The following SPATA31A6 variants were observed in gnomAD, a reference collection of about 807,000 sequenced individuals.
SPATA31A6 encodes spermatogenesis-associated protein 31A6.
Under a neutral mutation model 11.9 loss-of-function variants are expected in SPATA31A6, and 9 were observed. The ratio of observed to expected loss-of-function variants is 0.76; its 90% CI spans 0.46 to 1.32. The LOEUF is 1.32. SPATA31A6 is among the 40% of genes most tolerant of loss of function. The pLI, the probability that SPATA31A6 is intolerant of heterozygous loss-of-function variation, is 0.00. For synonymous variants in SPATA31A6, 314 were observed against 572.1 expected, an observed-to-expected ratio of 0.55 and a Z score of 6.44; for missense variants, 855 against 1,467.3, an observed-to-expected ratio of 0.58 and a Z score of 6.82.
At chr9:42,185,811 G>A (rs1393077646) in intron 3 of SPATA31A6, 56 bp downstream of exon 3, 2 of 1,123,754 alleles carry the variant, frequency 1.8e-6, no homozygotes, top group Non-Finnish European at 2.4e-6. Flanking sequence ...CATGACCCAA[G>A]GGCCACAGGC....
In SPATA31A6 at chr9:42,189,012, C is replaced by G. The variant is rs760488246; in HGVS notation, c.3310C>G (p.His1104Asp). The G allele has an allele frequency of 6.4e-7, 1 of 1,554,620 alleles. No homozygotes were observed. The highest frequency in any genetic ancestry group is 8.7e-7 in the Non-Finnish European group (1 of 1,146,446). ...CCAAAGGCCAATGTTTCCCCCTATT[C>G]ACAAGAGTGAGAAGTCTAGGAAGCC... ...KSQRPMFPPI[H>D]KSEKSRKPNL... The change falls in exon 4 of 4, where the codon CAC (histidine) becomes GAC (aspartate). Residue 1104 changes from histidine (H) to aspartate (D), a missense_variant. Transcript: ENST00000332857.
chr9:42,186,527 T>A lies in SPATA31A6; in HGVS notation c.825T>A (p.Ser275Arg). ...TCTCAGGCCTTGGTGGCTCAAACAG[T>A]CATGTTTCTGCCTCCTCCCGGTGGC... The part of the protein sequence containing the change: ...PAISGLGGSN[S>R]HVSASSRWQE... The change falls in exon 4 of 4, where the codon AGT becomes AGA. Residue 275 changes from serine (S) to arginine (R), a missense_variant. Coordinates refer to ENST00000332857, the MANE Select transcript of SPATA31A6 (RefSeq NM_001145196.1). 6.6e-7 allele frequency: 1 copy of A among 1,515,632 alleles called. No homozygotes were observed. The highest frequency in any genetic ancestry group is 8.8e-7 in the Non-Finnish European group (1 of 1,132,652). The allele number at this position is 1,515,632 out of a possible 1,614,324, so 93.9% of individuals were successfully genotyped here. A position where few individuals can be genotyped will look rare whatever the true frequency, so the allele number is the denominator to read the frequency against.
Position 42,185,627 on chromosome 9 carries a change from G to A in SPATA31A6, c.248-68G>A. On this transcript the variant is annotated intron_variant, in intron 2 of 3. Coordinates refer to ENST00000332857, the MANE Select transcript of SPATA31A6 (RefSeq NM_001145196.1). ...CCCCATGGTCCTCCCTAAAGAAACA[G>A]CCACTCAGCCTCCTGTGAGATCCCA... 1.4e-6 allele frequency: 2 copies of A among 1,401,920 alleles called. 1 individual carries two copies. The allele number at this position is 1,401,920 out of a possible 1,614,324, so 86.8% of individuals were successfully genotyped here.
chr9:42,187,547 GT>G lies in SPATA31A6; in HGVS notation c.1846del (p.Ser616LeufsTer4). On this transcript the variant is annotated frameshift_variant, in exon 4 of 4. Transcript: ENST00000332857. LOFTEE classifies it low-confidence loss of function (END_TRUNC). ...GGGGCAACCTGGGAAGGATCCAAGA[GT>G]CTCTGGATCTGATGCAGCTTCGGGA... ...HWGNLGRIQE[S>X]LDLMQLRDES... 1 of 1,452,332 alleles carries G rather than the reference GT, an allele frequency of 6.9e-7. No individual in the cohort carries two copies. Among genetic ancestry groups the G allele is most frequent in the Non-Finnish European group, 9.3e-7 (1 of 1,080,558 alleles). 90.0% of individuals were successfully genotyped at this position (1,452,332 alleles called of 1,614,324 possible).
chr9:42,189,457 C>A lies in SPATA31A6; in HGVS notation c.3755C>A (p.Ser1252Ter), dbSNP rs756002427. The change falls in exon 4 of 4, where the codon TCA becomes TAA. Residue 1252 changes from serine (S) to a stop codon, truncating the protein, a stop_gained. Transcript: ENST00000332857. LOFTEE classifies it low-confidence loss of function (END_TRUNC). Reference protein sequence around the residue: ...FPCNHRHLFYSEHGRILSYAA... With the variant: ...FPCNHRHLFY ...TGCAACCACAGGCACCTCTTCTACT[C>A]AGAACATGGCAGAATACTGAGCTAT... 6.4e-7 allele frequency: 1 copy of A among 1,553,500 alleles called. No individual in the cohort carries two copies. The highest frequency in any genetic ancestry group is 8.7e-7 in the Non-Finnish European group (1 of 1,152,240).
In SPATA31A6 at chr9:42,183,681, T is replaced by A; in HGVS notation, c.-7T>A. The A allele has an allele frequency of 6.5e-7, 1 of 1,531,430 alleles. No homozygotes were observed. Among genetic ancestry groups the A allele is most frequent in the Middle Eastern group, 2.4e-4 (1 of 4,248 alleles). 94.9% of individuals were successfully genotyped at this position (1,531,430 alleles called of 1,614,324 possible). A position where few individuals can be genotyped will look rare whatever the true frequency, so the allele number is the denominator to read the frequency against. ...CTCAGTTGCTTGAAAGCAACGTGCC[T>A]ATTCACATGGAGAATCTTCCCTTTC... is the stretch of plus-strand genomic sequence containing the variant. On this transcript the variant is annotated 5_prime_UTR_variant, in exon 1 of 4. Coordinates refer to ENST00000332857, the MANE Select transcript of SPATA31A6 (RefSeq NM_001145196.1).
rs1829435507 is a variant in SPATA31A6 at position 42,185,798 on chromosome 9, G to C, written c.308+43G>C. Reference sequence around the variant, plus strand: ...CCCTGCATCCTTCCTACCAGGGCTGGGACATGACCCAAGGGCCACAGGCAG... The same window carrying C: ...CCCTGCATCCTTCCTACCAGGGCTGCGACATGACCCAAGGGCCACAGGCAG... On this transcript the variant is annotated intron_variant, in intron 3 of 3. Coordinates refer to ENST00000332857, the MANE Select transcript of SPATA31A6 (RefSeq NM_001145196.1). 1.8e-6 allele frequency: 2 copies of C among 1,109,060 alleles called. 1 individual carries two copies. Among genetic ancestry groups the C allele is most frequent in the African/African-American group, 4.0e-5 (2 of 49,484 alleles). 68.7% of individuals were successfully genotyped at this position (1,109,060 alleles called of 1,614,324 possible). A position where few individuals can be genotyped will look rare whatever the true frequency, so the allele number is the denominator to read the frequency against.
At chr9:42,185,453 C>A in intron 2 of SPATA31A6, 1 of 670,286 alleles carries the variant, frequency 1.5e-6, no homozygotes, top group Non-Finnish European at 2.5e-6. Flanking sequence ...AGTCCTTTCT[C>A]CCCACAGGGC....
chr9:42,185,063 T>C lies in SPATA31A6; in HGVS notation c.190-6T>C. On this transcript the variant is annotated splice_region_variant and splice_polypyrimidine_tract_variant and intron_variant, in intron 1 of 3. Coordinates refer to ENST00000332857, the MANE Select transcript of SPATA31A6 (RefSeq NM_001145196.1). ...TCTTGTCTCCGTACGTCATCATGTC[T>C]CCCAGTGTCCAGTAGGGCGGAGGCG... 1.3e-6 allele frequency: 2 copies of C among 1,537,792 alleles called. No homozygotes were observed. Among genetic ancestry groups the C allele is most frequent in the South Asian group, 1.2e-5 (1 of 85,680 alleles).
At chr9:42,184,997 C>A (rs1829418428) in intron 1 of SPATA31A6, 72 bp from the exon 2 acceptor site, 1 of 1,426,452 alleles carries the variant, frequency 7.0e-7, no homozygotes, top group Non-Finnish European at 9.6e-7. Flanking sequence ...TAGCTTCTCG[C>A]CCTTTCTTGT....
At position 42,187,652 on chromosome 9, in the gene SPATA31A6, G is replaced by A. The variant is rs1484846288; in HGVS notation, c.1950G>A (p.Lys650=). Reference sequence around the variant, plus strand: ...CCACGTCCACAGGTGAAAGCAGCAAGGAGGCACAGAAGGTGAAGTTCCAGC... The same window carrying A: ...CCACGTCCACAGGTGAAAGCAGCAAAGAGGCACAGAAGGTGAAGTTCCAGC... The part of the protein sequence containing the change: ...QSSTSTGESS[K]EAQKVKFQLE... Residue 650 remains lysine (K), a synonymous_variant, in exon 4 of 4, where the codon AAG becomes AAA. Transcript: ENST00000332857. 6.6e-7 allele frequency: 1 copy of A among 1,510,516 alleles called. No homozygotes were observed. The allele number at this position is 1,510,516 out of a possible 1,614,324, so 93.6% of individuals were successfully genotyped here.
Position 42,186,840 on chromosome 9 carries a change from A to T in SPATA31A6, c.1138A>T (p.Lys380Ter), listed in dbSNP as rs1339117809. 4 of 1,535,196 alleles carry T rather than the reference A, an allele frequency of 2.6e-6. 1 individual carries two copies. The South Asian group carries it at 4.6e-5, about 18-fold the overall frequency. The change falls in exon 4 of 4, where the codon AAA becomes TAA. Residue 380 changes from lysine to a stop codon, truncating the protein, a stop_gained. Coordinates refer to ENST00000332857, the MANE Select transcript of SPATA31A6 (RefSeq NM_001145196.1). LOFTEE classifies it low-confidence loss of function (END_TRUNC). ...LDAEQDTTNP[K>*]PFWNMGENSK... ...TGCTGAGCAGGACACCACAAACCCA[A>T]AACCCTTCTGGAACATGGGAGAGAA...
In SPATA31A6 at chr9:42,184,481, G is replaced by A. The variant is rs549805161; in HGVS notation, c.190-588G>A. Among the ~76,000 whole-genome samples, 11 of 102,520 alleles carry A rather than the reference G, an allele frequency of 1.1e-4. 1 individual carries two copies. Among genetic ancestry groups the A allele is most frequent in the African/African-American group, 4.0e-4 (10 of 25,014 alleles). 67.3% of individuals were successfully genotyped at this position (102,520 alleles called of 152,430 possible). A position where few individuals can be genotyped will look rare whatever the true frequency, so the allele number is the denominator to read the frequency against. ...TGTGTGTGTGTGTGTGTGTGTGTGTGTTATTTTTATTTTATTTGTGTGTTA... is the reference window on the plus strand; with the variant it reads ...TGTGTGTGTGTGTGTGTGTGTGTGTATTATTTTTATTTTATTTGTGTGTTA... On this transcript the variant is annotated intron_variant, in intron 1 of 3. Coordinates refer to ENST00000332857, the MANE Select transcript of SPATA31A6 (RefSeq NM_001145196.1).
At position 42,186,886 on chromosome 9, in the gene SPATA31A6, C is replaced by G; in HGVS notation, c.1184C>G (p.Pro395Arg). 11 of 1,537,648 alleles carry G rather than the reference C, an allele frequency of 7.2e-6. 3 individuals carry two copies. Among genetic ancestry groups the G allele is most frequent in the Non-Finnish European group, 9.6e-6 (11 of 1,142,396 alleles). Reference sequence around the variant, plus strand: ...GAGAACTCGAAACAGCTGCCCGGACCTCAGAAGTGCTCAGATCCTAGGCTC... The same window carrying G: ...GAGAACTCGAAACAGCTGCCCGGACGTCAGAAGTGCTCAGATCCTAGGCTC... ...MGENSKQLPG[P>R]QKCSDPRLLQ... Residue 395 changes from proline to arginine, a missense_variant, in exon 4 of 4, where the codon CCT becomes CGT. Physicochemically the swap from Pro to Arg is moderately radical, Grantham distance 103. Coordinates refer to ENST00000332857, the MANE Select transcript of SPATA31A6 (RefSeq NM_001145196.1).
intron 2 of SPATA31A6, 116 bp from the exon 3 acceptor site, chr9:42,185,579 T>C: frequency 8.6e-7 from 1 of 1,157,992 alleles, no homozygotes; most frequent in Non-Finnish European, 1.2e-6. Context: ...TGGACACAGA[T>C]GGGTGGGGTC....
intron 1 of SPATA31A6, 142 bp downstream of exon 1, chr9:42,184,018 G>C (rs569904222): frequency 1.4e-6 from 2 of 1,384,240 alleles, no homozygotes; most frequent in Non-Finnish European, 1.9e-6. Context: ...TCCAGGGAGA[G>C]GCAGGGCAGC....
intron 1 of SPATA31A6, among the ~76,000 whole-genome samples, chr9:42,184,772 C>A (rs1166391848): frequency 2.2e-5 from 3 of 136,914 alleles, no homozygotes; most frequent in Non-Finnish European, 4.6e-5. Flanking sequence ...AGGTGATCAA[C>A]CCACCTTGGC....
rs763299077 is a variant in SPATA31A6, at chr9:42,188,878, C to T, written c.3176C>T (p.Thr1059Ile). ...CAGGGCCATCTCCAGAGCATGCCTA[C>T]TGGGAACATGCGGGCTTCCCAGGAG... ...VPQGHLQSMP[T>I]GNMRASQELH... The change falls in exon 4 of 4, where the codon ACT becomes ATT. Residue 1059 changes from threonine to isoleucine, a missense_variant. Physicochemically the swap from Thr to Ile is moderately conservative, Grantham distance 89. Transcript: ENST00000332857. 4 of 1,558,448 alleles carry T rather than the reference C, an allele frequency of 2.6e-6. No individual in the cohort carries two copies. The highest frequency in any genetic ancestry group is 3.5e-6 in the Non-Finnish European group (4 of 1,150,010).
At position 42,188,942 on chromosome 9, in the gene SPATA31A6, G is replaced by A. The variant is rs1364442341; in HGVS notation, c.3240G>A (p.Val1080=). 4 of 1,541,782 alleles carry A rather than the reference G, an allele frequency of 2.6e-6. 1 individual carries two copies. The highest frequency in any genetic ancestry group is 2.3e-5 in the South Asian group (2 of 86,876). Reference sequence around the variant, plus strand: ...TGGCAGCCAGAAGGAGCAAACTGGTGCAAGAGGAGCCCAGAAACCCAAACT... The same window carrying A: ...TGGCAGCCAGAAGGAGCAAACTGGTACAAGAGGAGCCCAGAAACCCAAACT... ...DLMAARRSKL[V]QEEPRNPNCQ... is the part of the protein sequence containing the mutation. The change falls in exon 4 of 4, where the codon GTG becomes GTA. Residue 1080 remains valine, a synonymous_variant. Transcript: ENST00000332857.
Sources: allele counts gnomAD v4.1 joint callset (sites outside exome capture counted in the v4.1 genomes callset), GRCh38; gene constraint gnomAD v4.1.1; transcripts MANE v1.5; gene names NCBI Gene and HGNC (gene_info 2026-07-23, HGNC 2026-07-21).